Variants in NRG1 observed in about 807,000 individuals in gnomAD.
NRG1 encodes neuregulin 1.
A neutral mutation model predicts 63.8 loss-of-function variants in NRG1; 18 were observed. The ratio of observed to expected loss-of-function variants is 0.28; its 90% CI spans 0.19 to 0.42. The LOEUF is 0.42. Ranked by LOEUF, NRG1 falls within the 10% of genes least tolerant of loss-of-function variation. NRG1 has a pLI of 1.00. For synonymous variants in NRG1, 302 were observed against 301.3 expected, an observed-to-expected ratio of 1.00 and a Z score of -0.02; for missense variants, 762 against 814.7, an observed-to-expected ratio of 0.94 and a Z score of 0.79.
chr8:32,387,080 A>C (rs1811113794), intron 1 of NRG1, among the ~76,000 whole-genome samples: 1 of 152,226 alleles, frequency 6.6e-6, no homozygotes, highest in South Asian at 2.1e-4. Context: ...TTCAGGAATA[A>C]TTTTCAGTGC....
At position 31,922,216 on chromosome 8, in the gene NRG1, G is replaced by T. The variant is rs893647634; in HGVS notation, c.37+282785G>T. Among the ~76,000 whole-genome samples, 12 of 152,256 alleles carry T rather than the reference G, an allele frequency of 7.9e-5. No individual in the cohort carries two copies. In the East Asian group the frequency reaches 1.4e-3, roughly 17 times the overall value. ...TAACCACCTTGTTATCGCATTAGTTGTTTTCATGGTGGCTGTGGTGGTCAA... is the reference window on the plus strand; with the variant it reads ...TAACCACCTTGTTATCGCATTAGTTTTTTTCATGGTGGCTGTGGTGGTCAA... On this transcript the variant is annotated intron_variant, in intron 1 of 10. Coordinates refer to the NRG1 transcript ENST00000519301.
At chr8:31,897,591 C>T (rs968577291) in intron 1 of NRG1, among the ~76,000 whole-genome samples, 4 of 152,108 alleles carry the variant, frequency 2.6e-5, no homozygotes, top group Non-Finnish European at 1.5e-5. Flanking sequence ...TCTCTGAAGC[C>T]TGCTACCTGG....
chr8:31,851,130 G>T (rs1827172157), intron 1 of NRG1, among the ~76,000 whole-genome samples: 1 of 152,206 alleles, frequency 6.6e-6, no homozygotes, highest in African/African-American at 2.4e-5. Flanking sequence ...AGAGTTAGTA[G>T]TCTCATTGCT....
chr8:32,197,292 T>A (rs1843058084), intron 1 of NRG1, among the ~76,000 whole-genome samples: 1 of 152,068 alleles, frequency 6.6e-6, no homozygotes, highest in African/African-American at 2.4e-5. Flanking sequence ...AGGAAGAACA[T>A]CACAGCCTTC....
intron 1 of NRG1, among the ~76,000 whole-genome samples, chr8:31,777,789 T>G (rs996212924): frequency 1.3e-5 from 2 of 152,052 alleles, no homozygotes; most frequent in African/African-American, 4.8e-5. Flanking sequence ...AGGCTCTTTT[T>G]AACAGCCAGG....
chr8:32,565,666 T>C (rs1279004572), intron 1 of NRG1, among the ~76,000 whole-genome samples: 1 of 152,208 alleles, frequency 6.6e-6, no homozygotes, highest in African/African-American at 2.4e-5. Flanking sequence ...TTTCAAACCT[T>C]CTATGTTGTA....
At chr8:31,709,985 C>T (rs1811579132) in intron 1 of NRG1, among the ~76,000 whole-genome samples, 1 of 151,514 alleles carries the variant, frequency 6.6e-6, no homozygotes, top group Non-Finnish European at 1.5e-5. Flanking sequence ...CTATAAATTT[C>T]ATTCAGAAAC....
chr8:32,236,801 T>G (rs1847608380), intron 1 of NRG1, among the ~76,000 whole-genome samples: 1 of 152,194 alleles, frequency 6.6e-6, no homozygotes, highest in Non-Finnish European at 1.5e-5. Context: ...AAGGATTACT[T>G]TGGCTGTCCC....
In NRG1 at chr8:31,804,750, C is replaced by T. The variant is rs571872018; in HGVS notation, c.37+165319C>T. 2.0e-5 allele frequency among the ~76,000 whole-genome samples: 3 copies of T among 152,204 alleles called. No homozygotes were observed. In the East Asian group the frequency reaches 5.8e-4, roughly 29 times the overall value. On this transcript the variant is annotated intron_variant, in intron 1 of 10. Transcript: ENST00000519301. Reference sequence around the variant, plus strand: ...CTGCCAAGCAATCGGATGAGGCACACCCACATTGAAGATTATCTCCTTTAC... The same window carrying T: ...CTGCCAAGCAATCGGATGAGGCACATCCACATTGAAGATTATCTCCTTTAC...
At chr8:32,609,870 C>T (rs1488981146) in intron 3 of NRG1, among the ~76,000 whole-genome samples, 3 of 151,538 alleles carry the variant, frequency 2.0e-5, no homozygotes, top group Non-Finnish European at 4.4e-5. Flanking sequence ...AAGGTTTCGC[C>T]ATGTTGGCCA....
intron 1 of NRG1, among the ~76,000 whole-genome samples, chr8:32,341,959 T>C (rs1053693422): frequency 3.9e-5 from 6 of 152,246 alleles, no homozygotes; most frequent in African/African-American, 4.8e-5. Flanking sequence ...ATATCAATTT[T>C]AAATTATTTA....
intron 1 of NRG1, among the ~76,000 whole-genome samples, chr8:31,992,480 T>C (rs960185176): frequency 6.6e-6 from 1 of 151,920 alleles, no homozygotes; most frequent in Non-Finnish European, 1.5e-5. Context: ...ATGTTAAAAC[T>C]AGGAGCCAAA....
intron 1 of NRG1, among the ~76,000 whole-genome samples, chr8:32,541,963 G>A (rs991665907): frequency 2.0e-5 from 3 of 152,144 alleles, no homozygotes; most frequent in Admixed American, 6.5e-5. Flanking sequence ...TCTTAATGAC[G>A]AGAGGAAGCT....
rs186252569 is a variant in NRG1 at position 32,147,718 on chromosome 8, C to T, written c.38-448110C>T. 1.3e-3 allele frequency among the ~76,000 whole-genome samples: 196 copies of T among 152,138 alleles called. 2 individuals are homozygous for T. Among genetic ancestry groups the T allele is most frequent in the African/African-American group, 4.5e-3 (186 of 41,426 alleles). On this transcript the variant is annotated intron_variant, in intron 1 of 10. Transcript: ENST00000519301. ...GTCCAAGCTTGGTATTCAATTAATA[C>T]TTGTTAAATGGATTCTGAATATGAT...
chr8:32,623,025 C>A lies in NRG1; in HGVS notation c.502+6140C>A, dbSNP rs531345169. Among the ~76,000 whole-genome samples the A allele has an allele frequency of 2.0e-5, 3 of 152,298 alleles. No individual in the cohort carries two copies. The South Asian group carries it at 6.2e-4, about 32-fold the overall frequency. On this transcript the variant is annotated intron_variant, in intron 5 of 11. Coordinates refer to ENST00000356819, the Ensembl canonical transcript of NRG1. ...TTTTCAAAATATTATATATTCTCAG[C>A]TAAGGCTTCATTTTACAGGAACTAA...
intron 1 of NRG1, among the ~76,000 whole-genome samples, chr8:32,047,786 C>G (rs1821247231): frequency 6.6e-6 from 1 of 150,798 alleles, no homozygotes; most frequent in Admixed American, 6.6e-5. Context: ...GAACACTTTA[C>G]ATTTACTCTT....
At chr8:32,448,912 G>A (rs905344822) in intron 1 of NRG1, among the ~76,000 whole-genome samples, 3 of 152,160 alleles carry the variant, frequency 2.0e-5, no homozygotes, top group Non-Finnish European at 2.9e-5. Context: ...GTGTGTGTGT[G>A]TTTAGGAAGG....
chr8:31,748,489 T>C (rs1045122158), intron 1 of NRG1, among the ~76,000 whole-genome samples: 4 of 151,924 alleles, frequency 2.6e-5, no homozygotes, highest in African/African-American at 9.7e-5. Flanking sequence ...TGTTAGATTT[T>C]AGTTCTTTGT....
chr8:32,225,919 T>C (rs1846270977), intron 1 of NRG1, among the ~76,000 whole-genome samples: 1 of 152,196 alleles, frequency 6.6e-6, no homozygotes, highest in South Asian at 2.1e-4. Context: ...TTAGTCTTTA[T>C]TTTTAGCTCT....
Sources: gnomAD v4.1 joint callset for allele counts (sites outside exome capture counted in the v4.1 genomes callset) on GRCh38, gnomAD v4.1.1 for gene constraint, MANE v1.5 for transcripts, NCBI Gene and HGNC (gene_info 2026-07-23, HGNC 2026-07-21) for gene names.